CNTNAP2: variants seen among roughly 807,000 people sequenced by gnomAD.
The protein encoded by CNTNAP2 is contactin associated protein 2.
A neutral mutation model predicts 155.2 loss-of-function variants in CNTNAP2; 98 were observed. The ratio of observed to expected loss-of-function variants is 0.63; its 90% CI spans 0.54 to 0.75. The LOEUF is 0.75. CNTNAP2 is among the 30% of genes least tolerant of loss of function. CNTNAP2 has a pLI of 0.00. For missense variants in CNTNAP2, 1,727 were observed against 1,688.1 expected (o/e 1.02, Z -0.40); for synonymous variants, 651 against 631.2 (o/e 1.03, Z -0.47).
chr7:146,424,437 G>T (rs1411862517), intron 1 of CNTNAP2, among the ~76,000 whole-genome samples: 1 of 152,146 alleles, frequency 6.6e-6, no homozygotes, highest in African/African-American at 2.4e-5. Flanking sequence ...CCAGCAATGA[G>T]TTGTGACAAC....
At chr7:147,459,143 T>C (rs1006023720) in intron 10 of CNTNAP2, among the ~76,000 whole-genome samples, 1 of 152,252 alleles carries the variant, frequency 6.6e-6, no homozygotes, top group African/African-American at 2.4e-5. Context: ...AAAATATGGC[T>C]AATGCAACTA....
At chr7:146,966,495 CTT>C (rs1406644988) in intron 3 of CNTNAP2, among the ~76,000 whole-genome samples, 2 of 152,208 alleles carry the variant, frequency 1.3e-5, no homozygotes, top group East Asian at 1.9e-4. Flanking sequence ...CCAGTTTACT[CTT>C]TTAATATCTG....
chr7:148,140,458 G>A (rs1585147759), intron 16 of CNTNAP2, among the ~76,000 whole-genome samples: 1 of 121,012 alleles, frequency 8.3e-6, no homozygotes, highest in Non-Finnish European at 1.7e-5. Flanking sequence ...TTTCGCTCTT[G>A]TTGCCCAGGC....
chr7:147,822,972 G>T (rs1359127462), intron 13 of CNTNAP2, among the ~76,000 whole-genome samples: 2 of 152,158 alleles, frequency 1.3e-5, no homozygotes, highest in Admixed American at 1.3e-4. Context: ...AGGAAACCTT[G>T]TCTTCTACAG....
chr7:146,727,132 C>T (rs889299006), intron 1 of CNTNAP2, among the ~76,000 whole-genome samples: 6 of 151,980 alleles, frequency 3.9e-5, no homozygotes, highest in African/African-American at 1.5e-4. Context: ...TCCTATAAAC[C>T]AGTATCAGCA....
At chr7:146,377,110 C>G (rs1795314543) in intron 1 of CNTNAP2, among the ~76,000 whole-genome samples, 1 of 152,140 alleles carries the variant, frequency 6.6e-6, no homozygotes, top group Admixed American at 6.5e-5. Context: ...TGTAATGAAA[C>G]TCAGAAAAAC....
At chr7:147,470,800 A>T (rs1049822464) in intron 10 of CNTNAP2, among the ~76,000 whole-genome samples, 2 of 151,444 alleles carry the variant, frequency 1.3e-5, no homozygotes, top group Non-Finnish European at 3.0e-5. Context: ...GGTGGGGTGG[A>T]GGGCAGGTAA....
At chr7:147,104,558 AAAGT>A (rs978646237) in intron 4 of CNTNAP2, among the ~76,000 whole-genome samples, 1 of 151,566 alleles carries the variant, frequency 6.6e-6, no homozygotes, top group African/African-American at 2.4e-5. Flanking sequence ...ATCCCCTATA[AAAGT>A]AACTGAAAAC....
At chr7:146,759,228 AC>A (rs921563064) in intron 1 of CNTNAP2, among the ~76,000 whole-genome samples, 1 of 152,112 alleles carries the variant, frequency 6.6e-6, no homozygotes, top group African/African-American at 2.4e-5. Flanking sequence ...CGTTTAGATT[AC>A]CCCCAGATGC....
At chr7:146,742,168 T>A (rs1026229330) in intron 1 of CNTNAP2, among the ~76,000 whole-genome samples, 4 of 152,204 alleles carry the variant, frequency 2.6e-5, no homozygotes, top group Admixed American at 6.5e-5. Context: ...GTTTACTGAT[T>A]GCTTATTTTG....
At chr7:148,173,576 A>G (rs2116693006) in intron 18 of CNTNAP2, among the ~76,000 whole-genome samples, 1 of 152,330 alleles carries the variant, frequency 6.6e-6, no homozygotes, top group African/African-American at 2.4e-5. Flanking sequence ...TAGGCCAGAC[A>G]GGGTATGAAA....
rs1419499728 is a variant in CNTNAP2, at chr7:148,267,140, T to C, written c.3475+14T>C. The C allele has an allele frequency of 6.2e-7, 1 of 1,600,742 alleles. No individual in the cohort carries two copies. Among genetic ancestry groups the C allele is most frequent in the African/African-American group, 1.3e-5 (1 of 74,638 alleles). ...GAAAAGTTATAGGTAAGAATGTGGTTCGTTAGGTATAAATGCGTGCTACAA... is the reference window on the plus strand; with the variant it reads ...GAAAAGTTATAGGTAAGAATGTGGTCCGTTAGGTATAAATGCGTGCTACAA... On this transcript the variant is annotated intron_variant, in intron 21 of 23. Coordinates refer to ENST00000361727, the MANE Select transcript of CNTNAP2 (RefSeq NM_014141.6).
At chr7:146,134,021 C>T (rs1274899902) in intron 1 of CNTNAP2, among the ~76,000 whole-genome samples, 83 of 148,898 alleles carry the variant, frequency 5.6e-4, no homozygotes, top group African/African-American at 1.7e-3. Flanking sequence ...GCCATTTTCA[C>T]GATATTGATT....
At chr7:147,545,764 C>T (rs1799717942) in intron 11 of CNTNAP2, among the ~76,000 whole-genome samples, 1 of 152,160 alleles carries the variant, frequency 6.6e-6, no homozygotes, top group African/African-American at 2.4e-5. Flanking sequence ...GGTTGCATCA[C>T]TGATATGATT....
intron 9 of CNTNAP2, among the ~76,000 whole-genome samples, chr7:147,327,030 C>G (rs1281230734): frequency 6.6e-6 from 1 of 152,128 alleles, no homozygotes; most frequent in Non-Finnish European, 1.5e-5. Context: ...ATCTTAGAAT[C>G]CAATAGAAAG....
intron 13 of CNTNAP2, among the ~76,000 whole-genome samples, chr7:147,894,681 T>C (rs538857732): frequency 6.6e-6 from 1 of 152,192 alleles, no homozygotes; most frequent in African/African-American, 2.4e-5. Flanking sequence ...TAATATCCTA[T>C]AGAAACAGTG....
At chr7:146,961,969 C>T (rs1053299320) in intron 3 of CNTNAP2, among the ~76,000 whole-genome samples, 2 of 152,118 alleles carry the variant, frequency 1.3e-5, no homozygotes, top group African/African-American at 2.4e-5. Flanking sequence ...CAATTAAAGA[C>T]AATTAATGCA....
At chr7:147,317,621 C>A (rs1584868740) in intron 9 of CNTNAP2, among the ~76,000 whole-genome samples, 1 of 152,194 alleles carries the variant, frequency 6.6e-6, no homozygotes, top group East Asian at 1.9e-4. Flanking sequence ...TTCAGGGAAG[C>A]CTTCCCTTTG....
intron 15 of CNTNAP2, 62 bp downstream of exon 15, chr7:147,978,051 C>A: frequency 7.5e-6 from 12 of 1,602,188 alleles, no homozygotes; most frequent in Non-Finnish European, 1.0e-5. Flanking sequence ...TGTTTCCAGG[C>A]TCCTCAGAAG....
Sources: allele counts gnomAD v4.1 joint callset (sites outside exome capture counted in the v4.1 genomes callset), GRCh38; gene constraint gnomAD v4.1.1; transcripts MANE v1.5; gene names NCBI Gene and HGNC (gene_info 2026-07-23, HGNC 2026-07-21).